WSCD1: variants seen among roughly 807,000 people sequenced by gnomAD.
WSCD1 encodes WSC domain sialate O sulfotransferase 1, also known as sialate:O-sulfotransferase 1.
A neutral mutation model predicts 60.4 loss-of-function variants in WSCD1; 41 were observed. That is an observed-to-expected ratio of 0.68 (90% CI 0.53 to 0.88). WSCD1 has a LOEUF of 0.88. WSCD1 is among the 40% of genes least tolerant of loss of function. The pLI is 0.00. For synonymous variants in WSCD1, 361 were observed against 332.5 expected (o/e 1.09, Z -0.93); for missense variants, 784 against 796.2 (o/e 0.98, Z 0.18).
At chr17:6,119,176 C>G (rs536652610) in intron 8 of WSCD1, among the ~76,000 whole-genome samples, 1 of 152,326 alleles carries the variant, frequency 6.6e-6, no homozygotes, top group East Asian at 1.9e-4. Flanking sequence ...GGTTAGGACT[C>G]TCTGTGAATT....
rs1432990825 is a variant in WSCD1 at position 6,123,639 on chromosome 17, G to T, written c.*2978G>T. 1 of 152,168 alleles carries T rather than the reference G, an allele frequency of 6.6e-6. No individual in the cohort carries two copies. The highest frequency in any genetic ancestry group is 2.4e-5 in the African/African-American group (1 of 41,444). 9.4% of individuals were successfully genotyped at this position (152,168 alleles called of 1,614,324 possible). On this transcript the variant is annotated 3_prime_UTR_variant, in exon 9 of 9. Coordinates refer to ENST00000317744, the MANE Select transcript of WSCD1 (RefSeq NM_015253.2). ...GATGTTACGACTGCAAGAATTCTTG[G>T]GACACAGGTTTGTTTTCTGCTGACT...
intron 5 of WSCD1, among the ~76,000 whole-genome samples, chr17:6,097,767 G>T (rs555292645): frequency 6.6e-5 from 10 of 152,232 alleles, no homozygotes; most frequent in African/African-American, 2.4e-4. Context: ...ACTTTGTCAG[G>T]TTGTCCTTGG....
chr17:6,117,893 C>T, intron 7 of WSCD1, 95 bp from the exon 8 acceptor site: 5 of 1,304,062 alleles, frequency 3.8e-6, no homozygotes, highest in Middle Eastern at 2.7e-4. Context: ...CTCTCTTATG[C>T]CCCTGATGCC....
rs144497324 is a variant in WSCD1 at position 6,118,108 on chromosome 17, A to G, written c.1295A>G (p.Tyr432Cys). 3.7e-6 allele frequency: 6 copies of G among 1,614,142 alleles called. No individual in the cohort carries two copies. The highest frequency in any genetic ancestry group is 5.1e-6 in the Non-Finnish European group (6 of 1,180,014). ...GCCATCCTGCTAATCCGGAACCCAT[A>G]CAGGTCCCTGGTGGCAGAATTCAAC... ...DSAILLIRNP[Y>C]RSLVAEFNRK... Residue 432 changes from tyrosine (Y) to cysteine (C), a missense_variant, in exon 8 of 9, where the codon TAC (tyrosine) becomes TGC (cysteine). By Grantham distance (194) the Tyr-to-Cys change is radical (BLOSUM62 -2). Coordinates refer to ENST00000317744, the MANE Select transcript of WSCD1 (RefSeq NM_015253.2). The surrounding 1 kb of genome is among the most constrained non-coding windows in gnomAD (Gnocchi z 5.8).
rs1904879032 is a variant in WSCD1 at position 6,124,256 on chromosome 17, T to A, written c.*3595T>A. On this transcript the variant is annotated 3_prime_UTR_variant, in exon 9 of 9. Transcript: ENST00000317744. ...ATGATGACCACCTTGGGCCTTGGGA[T>A]CATGACCAGGAATCACGTGAAGCTG... 6.6e-6 allele frequency: 1 copy of A among 152,122 alleles called. No individual in the cohort carries two copies. Among genetic ancestry groups the A allele is most frequent in the Non-Finnish European group, 1.5e-5 (1 of 68,020 alleles). The allele number at this position is 152,122 out of a possible 1,614,324, so 9.4% of individuals were successfully genotyped here. A position where few individuals can be genotyped will look rare whatever the true frequency, so the allele number is the denominator to read the frequency against.
intron 2 of WSCD1, among the ~76,000 whole-genome samples, chr17:6,081,698 C>A (rs986693943): frequency 1.3e-5 from 2 of 150,860 alleles, no homozygotes; most frequent in Non-Finnish European, 2.9e-5. Flanking sequence ...GAAGGAGACT[C>A]TGTCTCAAAA....
chr17:6,070,199 T>C (rs979612184), upstream of WSCD1, among the ~76,000 whole-genome samples: 1 of 150,312 alleles, frequency 6.7e-6, no homozygotes, highest in Admixed American at 6.6e-5. Context: ...TGGCGGCGTC[T>C]CTGCTCGGCA....
intron 7 of WSCD1, among the ~76,000 whole-genome samples, chr17:6,112,405 A>T (rs1183464249): frequency 6.6e-6 from 1 of 152,246 alleles, no homozygotes; most frequent in Non-Finnish European, 1.5e-5. Flanking sequence ...CAAGACAAGG[A>T]TGCCCACTTT....
At chr17:6,116,399 A>G (rs1597371381) in intron 7 of WSCD1, among the ~76,000 whole-genome samples, 2 of 132,168 alleles carry the variant, frequency 1.5e-5, no homozygotes, top group South Asian at 2.3e-4. Flanking sequence ...TGACAGAGTG[A>G]TCACACACAC....
intron 5 of WSCD1, among the ~76,000 whole-genome samples, chr17:6,108,544 G>A (rs1307196311): frequency 6.6e-6 from 1 of 152,200 alleles, no homozygotes; most frequent in Non-Finnish European, 1.5e-5. Flanking sequence ...AGACACAGCT[G>A]ATGCCCAGAG....
At chr17:6,088,560 C>T (rs1315594137) in intron 3 of WSCD1, among the ~76,000 whole-genome samples, 1 of 152,200 alleles carries the variant, frequency 6.6e-6, no homozygotes, top group Admixed American at 6.5e-5. Context: ...AAAGTATTTT[C>T]ACCTTGTGTC....
rs1449235180 is a variant in WSCD1, at chr17:6,087,980, C to T, written c.428-10C>T. 6.2e-7 allele frequency: 1 copy of T among 1,608,142 alleles called. No individual in the cohort carries two copies. Among genetic ancestry groups the T allele is most frequent in the Non-Finnish European group, 8.5e-7 (1 of 1,174,738 alleles). Reference sequence around the variant, plus strand: ...GGCCTCTGGTATTAGCCATGCTTCCCTTTCTGCAGGCACCTACATTGGATG... The same window carrying T: ...GGCCTCTGGTATTAGCCATGCTTCCTTTTCTGCAGGCACCTACATTGGATG... On this transcript the variant is annotated splice_polypyrimidine_tract_variant and intron_variant, in intron 2 of 8. Transcript: ENST00000317744.
At chr17:6,107,067 G>T (rs1216087393) in intron 5 of WSCD1, among the ~76,000 whole-genome samples, 1 of 152,168 alleles carries the variant, frequency 6.6e-6, no homozygotes, top group African/African-American at 2.4e-5. Context: ...AGCAGGGTTG[G>T]TTTCTTCCGA....
In WSCD1 at chr17:6,098,267, C is replaced by T. The variant is rs369599151; in HGVS notation, c.849+3044C>T. 3.9e-5 allele frequency among the ~76,000 whole-genome samples: 6 copies of T among 152,162 alleles called. No homozygotes were observed. In the East Asian group the frequency reaches 7.7e-4, roughly 20 times the overall value. On this transcript the variant is annotated intron_variant, in intron 5 of 8. Coordinates refer to ENST00000317744, the MANE Select transcript of WSCD1 (RefSeq NM_015253.2). ...GATTACAAGCATGAGCCACTGTGCC[C>T]GGCTGGTCCAGAGAGTTTGTATTTG...
chr17:6,091,020 A>T (rs1429244044), intron 4 of WSCD1, among the ~76,000 whole-genome samples: 2 of 152,046 alleles, frequency 1.3e-5, no homozygotes, highest in Non-Finnish European at 2.9e-5. Context: ...CCTCCCGAGG[A>T]GCTAGGATTA....
At chr17:6,117,416 A>G (rs1314378095) in intron 7 of WSCD1, among the ~76,000 whole-genome samples, 1 of 152,182 alleles carries the variant, frequency 6.6e-6, no homozygotes, top group African/African-American at 2.4e-5. Context: ...ATACCTGCTC[A>G]CAGCCATTGA....
chr17:6,106,404 GGAATACTA>G (rs1456740587), intron 5 of WSCD1, among the ~76,000 whole-genome samples: 1 of 152,154 alleles, frequency 6.6e-6, no homozygotes, highest in Non-Finnish European at 1.5e-5. Flanking sequence ...ATTCTTGGAT[GGAATACTA>G]CACAGCAATG....
chr17:6,121,033 T>C lies in WSCD1; in HGVS notation c.*372T>C, dbSNP rs1904664707. ...AGGCCGTGTGCTCCTGGAGGCTGGCTGGCTGTCTCTCTCACACAGATACAC... is the reference window on the plus strand; with the variant it reads ...AGGCCGTGTGCTCCTGGAGGCTGGCCGGCTGTCTCTCTCACACAGATACAC... On this transcript the variant is annotated 3_prime_UTR_variant, in exon 9 of 9. Transcript: ENST00000317744. The C allele has an allele frequency of 3.9e-6, 1 of 254,502 alleles. No homozygotes were observed. Among genetic ancestry groups the C allele is most frequent in the Non-Finnish European group, 7.6e-6 (1 of 131,746 alleles). The allele number at this position is 254,502 out of a possible 1,614,324, so 15.8% of individuals were successfully genotyped here.
At chr17:6,092,699 T>C (rs1910138476) in intron 4 of WSCD1, among the ~76,000 whole-genome samples, 2 of 152,116 alleles carry the variant, frequency 1.3e-5, no homozygotes, top group African/African-American at 4.8e-5. Flanking sequence ...CAATTCTATA[T>C]ATGGACTCCC....
Sources: allele counts gnomAD v4.1 joint callset (sites outside exome capture counted in the v4.1 genomes callset), GRCh38; gene constraint gnomAD v4.1.1; non-coding constraint Gnocchi (gnomAD v3.1); transcripts MANE v1.5; gene names NCBI Gene and HGNC (gene_info 2026-07-23, HGNC 2026-07-21).